SEMA3A: variants seen among roughly 807,000 people sequenced by gnomAD.
SEMA3A encodes the protein semaphorin 3A, also known as semaphorin-3A.
A neutral mutation model predicts 97.9 loss-of-function variants in SEMA3A; 29 were observed. The observed-to-expected ratio is 0.30, with a 90% CI of 0.22 to 0.40. The LOEUF (loss-of-function observed/expected upper bound fraction) is 0.40, where lower values mean the gene tolerates loss of function less well. Among genes scored for constraint, SEMA3A ranks in the 10% least tolerant of loss-of-function variants. SEMA3A has a pLI of 1.00. For synonymous variants in SEMA3A, 321 were observed against 323.7 expected (o/e 0.99, Z 0.09); for missense variants, 763 against 951.3 (o/e 0.80, Z 2.60).
chr7:84,262,964 G>C (rs1685368755), intron 3 of SEMA3A, among the ~76,000 whole-genome samples: 5 of 152,138 alleles, frequency 3.3e-5, no homozygotes, highest in Admixed American at 3.3e-4. Context: ...CATGTGGTTT[G>C]TTTTTGGAAG....
chr7:84,322,494 C>T (rs527462277), intron 2 of SEMA3A, among the ~76,000 whole-genome samples: 4 of 152,050 alleles, frequency 2.6e-5, no homozygotes, highest in African/African-American at 9.6e-5. Context: ...GGCAGTTTCC[C>T]CTATGCTGTT....
chr7:84,067,799 A>C (rs13309981), intron 4 of SEMA3A, among the ~76,000 whole-genome samples: 22,661 of 148,850 alleles, frequency 0.15, 1,791 homozygotes, highest in South Asian at 0.24. Flanking sequence ...ATGTGGAGAA[A>C]TAGGAACACT....
At chr7:84,333,874 G>GCCATAGTACGTTGTGTT (rs11276169) in intron 2 of SEMA3A, among the ~76,000 whole-genome samples, 38,349 of 151,916 alleles carry the variant, frequency 0.25, 6,062 homozygotes, top group African/African-American at 0.42. Flanking sequence ...TTTTGAATTT[G>GCCATAGTACGTTGTGTT]CCATTGCCAG....
chr7:84,373,937 G>A (rs1803036170), intron 1 of SEMA3A, among the ~76,000 whole-genome samples: 1 of 152,122 alleles, frequency 6.6e-6, no homozygotes, highest in Non-Finnish European at 1.5e-5. Flanking sequence ...TATGGCATGA[G>A]ATGAGTTTGG....
Position 84,011,013 on chromosome 7 carries a change from G to A in SEMA3A, c.995+9C>T. On this transcript the variant is annotated intron_variant, in intron 9 of 16. Transcript: ENST00000265362. The stretch of plus-strand genomic sequence containing the variant: ...TAAGTTTCTATAAGGTAGTTAAAAA[G>A]TTACTTACCTGGAAGTCGTAAACAC... 6.3e-7 allele frequency: 1 copy of A among 1,583,722 alleles called. No individual in the cohort carries two copies. The highest frequency in any genetic ancestry group is 1.8e-5 in the Admixed American group (1 of 56,596).
intron 1 of SEMA3A, among the ~76,000 whole-genome samples, chr7:84,398,196 A>T (rs1490994346): frequency 6.6e-6 from 1 of 152,194 alleles, no homozygotes; most frequent in Non-Finnish European, 1.5e-5. Flanking sequence ...CAGGTCTTTT[A>T]AGACACCAGA....
intron 2 of SEMA3A, among the ~76,000 whole-genome samples, chr7:84,323,728 G>A (rs777630901): frequency 3.9e-5 from 6 of 152,070 alleles, no homozygotes; most frequent in South Asian, 2.1e-4. Flanking sequence ...ACAGATGTGC[G>A]CCTTAGTCAT....
rs969729084 is a variant in SEMA3A, at chr7:83,965,229, G to A, written c.1718-1882C>T. ...GCTGGGATTACAGGCATGAGCCACC[G>A]CGTCCGGCCCGTTTAAACTTTTCTT... On this transcript the variant is annotated intron_variant, in intron 15 of 16. Coordinates refer to ENST00000265362, the MANE Select transcript of SEMA3A (RefSeq NM_006080.3). Among the ~76,000 whole-genome samples, 10 of 151,596 alleles carry A rather than the reference G, an allele frequency of 6.6e-5. No homozygotes were observed. In the South Asian group the frequency reaches 8.3e-4, roughly 13 times the overall value.
intron 1 of SEMA3A, among the ~76,000 whole-genome samples, chr7:84,440,415 T>G (rs1034937732): frequency 6.6e-6 from 1 of 152,286 alleles, no homozygotes; most frequent in East Asian, 1.9e-4. Flanking sequence ...TTTCCAAATG[T>G]CATAATTTGT....
At chr7:84,157,153 C>G (rs1796869027) in intron 1 of SEMA3A, among the ~76,000 whole-genome samples, 2 of 152,142 alleles carry the variant, frequency 1.3e-5, no homozygotes, top group Non-Finnish European at 2.9e-5. Flanking sequence ...AAAAGAAATA[C>G]TGATTATTAA....
intron 2 of SEMA3A, among the ~76,000 whole-genome samples, chr7:84,129,880 T>TA (rs947443657): frequency 5.9e-5 from 9 of 152,114 alleles, no homozygotes; most frequent in African/African-American, 2.2e-4. Context: ...TTTGTGTTTT[T>TA]ATCCCTCATA....
chr7:84,002,459 C>T (rs1029183781), intron 11 of SEMA3A, among the ~76,000 whole-genome samples: 3 of 152,096 alleles, frequency 2.0e-5, no homozygotes, highest in African/African-American at 4.8e-5. Flanking sequence ...CAGTTTGTCA[C>T]GACAGGTTCT....
At chr7:84,251,611 C>A (rs188988562) in intron 3 of SEMA3A, among the ~76,000 whole-genome samples, 1 of 152,286 alleles carries the variant, frequency 6.6e-6, no homozygotes, top group Admixed American at 6.5e-5. Context: ...AGAAACCAAG[C>A]TACACAGTTA....
chr7:84,172,848 T>C (rs1295983120), intron 1 of SEMA3A, among the ~76,000 whole-genome samples: 2 of 152,256 alleles, frequency 1.3e-5, no homozygotes, highest in Non-Finnish European at 2.9e-5. Context: ...TCTATTGTTT[T>C]ATTTTTGTTT....
intron 1 of SEMA3A, among the ~76,000 whole-genome samples, chr7:84,445,192 A>G (rs1265738436): frequency 6.6e-6 from 1 of 152,054 alleles, no homozygotes; most frequent in Non-Finnish European, 1.5e-5. Context: ...CTGGGATGGT[A>G]TTAGAAATCA....
At chr7:84,362,632 T>C (rs1286555239) in intron 2 of SEMA3A, among the ~76,000 whole-genome samples, 1 of 152,000 alleles carries the variant, frequency 6.6e-6, no homozygotes, top group Non-Finnish European at 1.5e-5. Flanking sequence ...TCAGAACATA[T>C]GAAATCCCTT....
At chr7:84,059,458 T>C (rs1388197705) in intron 5 of SEMA3A, among the ~76,000 whole-genome samples, 1 of 152,088 alleles carries the variant, frequency 6.6e-6, no homozygotes, top group Non-Finnish European at 1.5e-5. Context: ...ATGACTAGAG[T>C]TTATTTTTCT....
At chr7:84,335,279 C>T (rs1353275444) in intron 2 of SEMA3A, among the ~76,000 whole-genome samples, 2 of 152,028 alleles carry the variant, frequency 1.3e-5, no homozygotes, top group Non-Finnish European at 2.9e-5. Context: ...GACTACACTA[C>T]TTTTATAACA....
chr7:84,359,122 C>T (rs1802646537), intron 2 of SEMA3A, among the ~76,000 whole-genome samples: 1 of 152,066 alleles, frequency 6.6e-6, no homozygotes, highest in Non-Finnish European at 1.5e-5. Flanking sequence ...TAATTGAATA[C>T]CCTTTATTTC....
Sources: gnomAD v4.1 joint callset for allele counts (sites outside exome capture counted in the v4.1 genomes callset) on GRCh38, gnomAD v4.1.1 for gene constraint, MANE v1.5 for transcripts, NCBI Gene and HGNC (gene_info 2026-07-23, HGNC 2026-07-21) for gene names.